Variants in FGF12 observed in about 807,000 individuals in gnomAD.
FGF12 encodes fibroblast growth factor 12B.
FGF12 carries 14 observed loss-of-function variants against 23.6 expected under a neutral mutation model. The observed-to-expected ratio is 0.59, with a 90% CI of 0.39 to 0.93. The LOEUF is 0.93. FGF12 is among the 40% of genes least tolerant of loss of function. FGF12 has a pLI of 0.00. For synonymous variants in FGF12, 62 were observed against 77.3 expected (o/e 0.80, Z 1.04); for missense variants, 175 against 217.8 (o/e 0.80, Z 1.24).
chr3:192,435,296 C>G (rs1721982567), intron 2 of FGF12, among the ~76,000 whole-genome samples: 1 of 151,942 alleles, frequency 6.6e-6, no homozygotes, highest in African/African-American at 2.4e-5. Flanking sequence ...TCTTTGACTG[C>G]TAAATGAAGA....
At chr3:192,650,142 C>T (rs1716164179) in intron 2 of FGF12, among the ~76,000 whole-genome samples, 1 of 152,202 alleles carries the variant, frequency 6.6e-6, no homozygotes, top group Non-Finnish European at 1.5e-5. Context: ...TTTAAGAGTA[C>T]ATCTGATCAT....
chr3:192,375,631 G>T (rs569268060), intron 2 of FGF12, among the ~76,000 whole-genome samples: 3 of 152,066 alleles, frequency 2.0e-5, no homozygotes, highest in Admixed American at 6.5e-5. Context: ...TTACAAACAT[G>T]TTTACCATCT....
intron 2 of FGF12, among the ~76,000 whole-genome samples, chr3:192,484,871 A>G (rs1723586176): frequency 6.6e-6 from 1 of 152,212 alleles, no homozygotes; most frequent in Non-Finnish European, 1.5e-5. Flanking sequence ...AAAGACAACA[A>G]TGCATTTTCT....
intron 2 of FGF12, among the ~76,000 whole-genome samples, chr3:192,513,108 C>T (rs1724542675): frequency 6.6e-6 from 1 of 151,806 alleles, no homozygotes; most frequent in African/African-American, 2.4e-5. Context: ...ACATACCCTA[C>T]ACAGTTTTAA....
intron 2 of FGF12, among the ~76,000 whole-genome samples, chr3:192,386,116 A>T (rs984999833): frequency 6.6e-6 from 1 of 152,230 alleles, no homozygotes; most frequent in African/African-American, 2.4e-5. Flanking sequence ...TAAATGACAC[A>T]CATCTAATTA....
chr3:192,526,196 T>C lies in FGF12; in HGVS notation c.14-165658A>G, dbSNP rs114048151. ...AACCCTTCAAAAATTGGATTCATTA[T>C]CACCTCTGTCAATAAACCTTCCCTG... On this transcript the variant is annotated intron_variant, in intron 2 of 5. Transcript: ENST00000445105. 2.4e-3 allele frequency among the ~76,000 whole-genome samples: 372 copies of C among 152,308 alleles called. 1 individual carries two copies. The highest frequency in any genetic ancestry group is 5.0e-3 in the South Asian group (24 of 4,820).
chr3:192,504,126 G>A (rs2108835102), intron 2 of FGF12, among the ~76,000 whole-genome samples: 1 of 152,120 alleles, frequency 6.6e-6, no homozygotes, highest in South Asian at 2.1e-4. Context: ...CTTATAAGTG[G>A]GAGACAAAGA....
chr3:192,520,697 G>A (rs1724794252), intron 2 of FGF12, among the ~76,000 whole-genome samples: 1 of 152,066 alleles, frequency 6.6e-6, no homozygotes, highest in Non-Finnish European at 1.5e-5. Context: ...TAGAGTCAAA[G>A]CTTTACCAAA....
At chr3:192,147,494 G>A (rs1382210053) in intron 5 of FGF12, among the ~76,000 whole-genome samples, 1 of 152,182 alleles carries the variant, frequency 6.6e-6, no homozygotes, top group Non-Finnish European at 1.5e-5. Flanking sequence ...AGGCGTAAGT[G>A]TTCTCTAAAG....
At chr3:192,234,314 A>G (rs879394688) in intron 4 of FGF12, among the ~76,000 whole-genome samples, 9 of 152,010 alleles carry the variant, frequency 5.9e-5, no homozygotes, top group Non-Finnish European at 1.0e-4. Flanking sequence ...TTTTGTGGCT[A>G]TTGTGAATGG....
intron 2 of FGF12, among the ~76,000 whole-genome samples, chr3:192,437,129 G>C (rs1406325156): frequency 6.6e-6 from 1 of 152,120 alleles, no homozygotes; most frequent in East Asian, 1.9e-4. Context: ...AGTTAAGTAA[G>C]CACAGGGGAG....
chr3:192,313,889 C>A (rs750027166), intron 4 of FGF12, among the ~76,000 whole-genome samples: 1 of 152,124 alleles, frequency 6.6e-6, no homozygotes, highest in African/African-American at 2.4e-5. Context: ...TCTCTATTAC[C>A]CTCAGATTCA....
At chr3:192,689,206 T>C (rs960701338) in intron 2 of FGF12, among the ~76,000 whole-genome samples, 4 of 152,172 alleles carry the variant, frequency 2.6e-5, no homozygotes, top group African/African-American at 9.6e-5. Flanking sequence ...CAATGTATTA[T>C]ATATTTCAAA....
chr3:192,195,947 C>T (rs903249151), intron 4 of FGF12, among the ~76,000 whole-genome samples: 2 of 152,144 alleles, frequency 1.3e-5, no homozygotes, highest in South Asian at 4.1e-4. Flanking sequence ...TAGAAGAGAT[C>T]TCTTGAACTT....
rs1413675376 is a variant in FGF12 at position 192,514,952 on chromosome 3, C to T, written c.14-154414G>A. The T allele has an allele frequency of 1.2e-6, 1 of 831,518 alleles. No individual in the cohort carries two copies. The highest frequency in any genetic ancestry group is 1.5e-6 in the Non-Finnish European group (1 of 689,520). 51.5% of individuals were successfully genotyped at this position (831,518 alleles called of 1,614,324 possible). A position where few individuals can be genotyped will look rare whatever the true frequency, so the allele number is the denominator to read the frequency against. On this transcript the variant is annotated intron_variant, in intron 2 of 5. Coordinates refer to ENST00000445105, the MANE Select transcript of FGF12 (RefSeq NM_004113.6). The surrounding 1 kb of genome is among the most constrained non-coding windows in gnomAD (Gnocchi z 4.9). ...CCGGGACGCGGAAGTGCCGGTCCGC[C>T]GGGGGCAGCCCTCCGAGAGCCCGAG...
At chr3:192,508,345 T>C (rs1724373705) in intron 2 of FGF12, among the ~76,000 whole-genome samples, 2 of 152,252 alleles carry the variant, frequency 1.3e-5, no homozygotes, top group South Asian at 4.1e-4. Context: ...ATGACATTCA[T>C]AATATTGTCC....
At chr3:192,686,701 G>A (rs1469571588) in intron 2 of FGF12, among the ~76,000 whole-genome samples, 1 of 151,326 alleles carries the variant, frequency 6.6e-6, no homozygotes, top group East Asian at 1.9e-4. Context: ...CAGGGATGGA[G>A]GTATATGAGG....
intron 4 of FGF12, among the ~76,000 whole-genome samples, chr3:192,316,904 C>G (rs1256481716): frequency 1.3e-5 from 2 of 152,136 alleles, no homozygotes; most frequent in Non-Finnish European, 2.9e-5. Context: ...GGGATACCAG[C>G]TCAACCACTA....
intron 2 of FGF12, among the ~76,000 whole-genome samples, chr3:192,592,441 A>G (rs1713665745): frequency 6.6e-6 from 1 of 151,604 alleles, no homozygotes; most frequent in African/African-American, 2.4e-5. Context: ...TGTCCTCCTG[A>G]TCCTAGTCAC....
Sources: gnomAD v4.1 joint callset for allele counts (sites outside exome capture counted in the v4.1 genomes callset) on GRCh38, gnomAD v4.1.1 for gene constraint, Gnocchi (gnomAD v3.1) non-coding constraint, MANE v1.5 for transcripts, NCBI Gene and HGNC (gene_info 2026-07-23, HGNC 2026-07-21) for gene names.